Variants in PTPRT observed in about 807,000 individuals in gnomAD.
PTPRT encodes the protein protein tyrosine phosphatase receptor type T, also known as receptor-type tyrosine-protein phosphatase T.
In PTPRT, 56 loss-of-function variants were observed where a neutral mutation model predicts 176.8. The ratio of observed to expected loss-of-function variants is 0.32; its 90% confidence interval spans 0.26 to 0.40. The LOEUF (loss-of-function observed/expected upper bound fraction) is 0.40, where lower values mean the gene tolerates loss of function less well. Among genes scored for constraint, PTPRT ranks in the 10% least tolerant of loss-of-function variants. The pLI, the probability that PTPRT is intolerant of heterozygous loss-of-function variation, is 1.00. For missense variants in PTPRT, 1,540 were observed against 1,908.2 expected, an observed-to-expected ratio of 0.81 and a Z score of 3.60; for synonymous variants, 783 against 739.0, an observed-to-expected ratio of 1.06 and a Z score of -0.96.
intron 2 of PTPRT, among the ~76,000 whole-genome samples, chr20:42,878,865 A>G (rs1166946316): frequency 6.6e-6 from 1 of 152,116 alleles, no homozygotes; most frequent in African/African-American, 2.4e-5. Context: ...CGTCTCTACT[A>G]AAAATACAGA....
chr20:42,451,088 A>C (rs777045864), intron 8 of PTPRT, among the ~76,000 whole-genome samples: 6 of 152,160 alleles, frequency 3.9e-5, no homozygotes, highest in Non-Finnish European at 7.4e-5. Flanking sequence ...GAGAAAAATC[A>C]GTTAGGAGGC....
chr20:42,852,063 G>A (rs1180302327), intron 2 of PTPRT, among the ~76,000 whole-genome samples: 5 of 152,086 alleles, frequency 3.3e-5, no homozygotes, highest in East Asian at 1.9e-4. Context: ...ATTGCTTATA[G>A]TATTAAGTTA....
At chr20:42,868,239 A>G (rs929319444) in intron 2 of PTPRT, among the ~76,000 whole-genome samples, 1 of 152,188 alleles carries the variant, frequency 6.6e-6, no homozygotes, top group African/African-American at 2.4e-5. Flanking sequence ...CTTCTTAGAT[A>G]TTATAAGTAT....
In PTPRT at chr20:42,922,054, G is replaced by A. The variant is rs1280201471; in HGVS notation, c.89-36122C>T. Among the ~76,000 whole-genome samples the A allele has an allele frequency of 2.0e-5, 3 of 152,234 alleles. No homozygotes were observed. The South Asian group carries it at 6.2e-4, about 32-fold the overall frequency. ...GGGTTCAAGCAATTCTTCTGTCTCT[G>A]CCTCCCGAGTAGCTGGGACTACAGG... On this transcript the variant is annotated intron_variant, in intron 1 of 30. Coordinates refer to ENST00000373187, the MANE Select transcript of PTPRT (RefSeq NM_007050.6).
chr20:42,426,926 C>T (rs2059170019), intron 9 of PTPRT, among the ~76,000 whole-genome samples: 2 of 152,090 alleles, frequency 1.3e-5, no homozygotes, highest in South Asian at 4.1e-4. Flanking sequence ...ATTTGAGATC[C>T]CAACCAGGGC....
chr20:43,061,087 A>AACGGATGG (rs1555825212), intron 1 of PTPRT, among the ~76,000 whole-genome samples: 18 of 149,914 alleles, frequency 1.2e-4, no homozygotes, highest in Non-Finnish European at 2.1e-4. Context: ...CGGATAAATG[A>AACGGATGG]ATGGATGGAT....
At chr20:42,138,622 C>G (rs1234673388) in intron 18 of PTPRT, among the ~76,000 whole-genome samples, 2 of 152,220 alleles carry the variant, frequency 1.3e-5, no homozygotes, top group African/African-American at 4.8e-5. Context: ...TAAAACTTTA[C>G]ATGGAGAATG....
chr20:42,610,335 A>G (rs1192602504), intron 7 of PTPRT, among the ~76,000 whole-genome samples: 2 of 150,826 alleles, frequency 1.3e-5, no homozygotes, highest in African/African-American at 4.9e-5. Context: ...AGCAGACAAC[A>G]TGTTAAGGAC....
At chr20:42,656,179 G>T (rs2075122171) in intron 7 of PTPRT, among the ~76,000 whole-genome samples, 2 of 152,148 alleles carry the variant, frequency 1.3e-5, no homozygotes, top group South Asian at 2.1e-4. Context: ...AGGTATGGAG[G>T]CATGGCCTTT....
intron 7 of PTPRT, among the ~76,000 whole-genome samples, chr20:42,510,281 C>G (rs962094784): frequency 1.3e-5 from 2 of 152,050 alleles, no homozygotes; most frequent in Non-Finnish European, 2.9e-5. Context: ...GCAGTCCCAG[C>G]AAATTTGCAG....
intron 1 of PTPRT, among the ~76,000 whole-genome samples, chr20:43,132,011 C>T (rs562131767): frequency 6.7e-6 from 1 of 150,336 alleles, no homozygotes; most frequent in South Asian, 2.1e-4. Context: ...GAAAAATTTA[C>T]ACACACACAC....
chr20:43,042,275 A>G (rs561732035), intron 1 of PTPRT, among the ~76,000 whole-genome samples: 12 of 152,358 alleles, frequency 7.9e-5, no homozygotes, highest in African/African-American at 2.9e-4. Flanking sequence ...TTGTAAATTC[A>G]GAATGCAGAG....
chr20:42,041,106 C>A, the PTPRT span, among the ~76,000 whole-genome samples: 1 of 152,136 alleles, frequency 6.6e-6, no homozygotes, highest in South Asian at 2.1e-4. Context: ...TTTTTGTGAC[C>A]TCTGTTGATC....
chr20:42,588,906 T>A (rs994991188), intron 7 of PTPRT, among the ~76,000 whole-genome samples: 2 of 152,132 alleles, frequency 1.3e-5, no homozygotes, highest in African/African-American at 4.8e-5. Context: ...ATTATTGAGA[T>A]GGCACAACTG....
chr20:42,934,863 G>A (rs1980075210), intron 1 of PTPRT, among the ~76,000 whole-genome samples: 1 of 152,034 alleles, frequency 6.6e-6, no homozygotes, highest in African/African-American at 2.4e-5. Context: ...GAGGTTAGGA[G>A]TTTAAGACCA....
chr20:42,906,343 C>T (rs1308312231), intron 1 of PTPRT, among the ~76,000 whole-genome samples: 1 of 152,178 alleles, frequency 6.6e-6, no homozygotes, highest in South Asian at 2.1e-4. Flanking sequence ...CTGAGTGGCC[C>T]GGCTCCAGGG....
intron 1 of PTPRT, among the ~76,000 whole-genome samples, chr20:43,092,152 A>G (rs767573888): frequency 6.6e-6 from 1 of 152,246 alleles, no homozygotes; most frequent in Non-Finnish European, 1.5e-5. Flanking sequence ...CAAACTGGGA[A>G]GAGTGGAACA....
At chr20:42,533,740 C>A (rs1379469977) in intron 7 of PTPRT, among the ~76,000 whole-genome samples, 2 of 152,206 alleles carry the variant, frequency 1.3e-5, no homozygotes, top group African/African-American at 4.8e-5. Context: ...GTCTGGCTAA[C>A]AGTCAATTCT....
chr20:42,488,601 T>C (rs1019241476), intron 7 of PTPRT, among the ~76,000 whole-genome samples: 1 of 152,186 alleles, frequency 6.6e-6, no homozygotes, highest in African/African-American at 2.4e-5. Context: ...GAATTCTTTG[T>C]ATATTCTAGG....
Sources: allele counts gnomAD v4.1 joint callset (sites outside exome capture counted in the v4.1 genomes callset), GRCh38; gene constraint gnomAD v4.1.1; transcripts MANE v1.5; gene names NCBI Gene and HGNC (gene_info 2026-07-23, HGNC 2026-07-21).